HMCN1: variants seen among roughly 807,000 people sequenced by gnomAD.
The protein encoded by HMCN1 is hemicentin-1.
Under a neutral mutation model 625.9 loss-of-function variants are expected in HMCN1, and 321 were observed. The ratio of observed to expected loss-of-function variants is 0.51; its 90% CI spans 0.47 to 0.56. The LOEUF is 0.56. Among genes scored for constraint, HMCN1 ranks in the 20% least tolerant of loss-of-function variants. The pLI, the probability that HMCN1 is intolerant of heterozygous loss-of-function variation, is 0.00. For synonymous variants in HMCN1, 2,425 were observed against 2,417.6 expected, an observed-to-expected ratio of 1.00 and a Z score of -0.09; for missense variants, 6,588 against 6,887.3, an observed-to-expected ratio of 0.96 and a Z score of 1.54.
Position 185,970,337 on chromosome 1 carries a change from G to A in HMCN1, c.2215G>A (p.Asp739Asn), listed in dbSNP as rs763894025. The A allele has an allele frequency of 1.2e-6, 2 of 1,613,072 alleles. No individual in the cohort carries two copies. The highest frequency in any genetic ancestry group is 1.1e-5 in the South Asian group (1 of 91,050). ...PPPQVKWFKG[D>N]LELRPSTFLI... is the part of the protein sequence containing the mutation. ...TTCTCCCCTTTGTTTTGACTTAGGAGATCTTGAGTTGAGGCCCTCAACATT... is the reference window on the plus strand; with the variant it reads ...TTCTCCCCTTTGTTTTGACTTAGGAAATCTTGAGTTGAGGCCCTCAACATT... The change falls in exon 15 of 107, where the codon GAT (aspartate) becomes AAT (asparagine). Residue 739 changes from aspartate to asparagine, a missense_variant and splice_region_variant. Transcript: ENST00000271588.
Position 186,136,690 on chromosome 1 carries a change from G to T in HMCN1, c.13335G>T (p.Glu4445Asp). 2 of 1,613,854 alleles carry T rather than the reference G, an allele frequency of 1.2e-6. No homozygotes were observed. Among genetic ancestry groups the T allele is most frequent in the Non-Finnish European group, 8.5e-7 (1 of 1,179,868 alleles). Residue 4445 changes from glutamate (E) to aspartate (D), a missense_variant, in exon 87 of 107, where the codon GAG becomes GAT. Transcript: ENST00000271588. ...TLQSPPIITL[E>D]PVETVINAGG... ...TAGGTCCTCCTATTATCACTCTTGA[G>T]CCAGTGGAAACTGTTATTAATGCTG...
chr1:185,805,958 T>A (rs182650228), intron 1 of HMCN1, among the ~76,000 whole-genome samples: 1 of 152,122 alleles, frequency 6.6e-6, no homozygotes, highest in Non-Finnish European at 1.5e-5. Context: ...CTAAAAAAGA[T>A]CCTATCATTT....
At chr1:185,943,541 A>G (rs1406202050) in intron 11 of HMCN1, among the ~76,000 whole-genome samples, 1 of 152,214 alleles carries the variant, frequency 6.6e-6, no homozygotes, top group Non-Finnish European at 1.5e-5. Context: ...ACTCAGGTAC[A>G]GTCAGATGGA....
rs1445537518 is a variant in HMCN1, at chr1:186,114,096, G to C, written c.11249G>C (p.Gly3750Ala). ...CCAAGGATAACATGGAGAAAGGATG[G>C]AGCTGTTCTAGCTGGGAATCATGCA... ...PTPRITWRKD[G>A]AVLAGNHARY... The change falls in exon 73 of 107, where the codon GGA (glycine) becomes GCA (alanine). Residue 3750 changes from glycine to alanine, a missense_variant. By Grantham distance (60) the Gly-to-Ala change is moderately conservative. This residue lies in a region of HMCN1 where 4,628 missense variants were observed against 4,853.1 expected (regional missense o/e 0.95). Coordinates refer to ENST00000271588, the MANE Select transcript of HMCN1 (RefSeq NM_031935.3). The C allele has an allele frequency of 3.7e-6, 6 of 1,614,086 alleles. No homozygotes were observed. The highest frequency in any genetic ancestry group is 3.4e-6 in the Non-Finnish European group (4 of 1,179,974).
chr1:186,068,176 G>A (rs1421219084), intron 50 of HMCN1, among the ~76,000 whole-genome samples, 169 bp downstream of exon 50: 2 of 152,088 alleles, frequency 1.3e-5, no homozygotes, highest in South Asian at 2.1e-4. Context: ...CCATGGCTCA[G>A]GGATTGGGAC....
At position 185,995,030 on chromosome 1, in the gene HMCN1, T is replaced by C. The variant is rs763459200; in HGVS notation, c.3721T>C (p.Cys1241Arg). The part of the protein sequence containing the change: ...ATPSDAGIYT[C>R]VATNIAGTDE... ...GCCCTCAGATGCTGGCATATATACA[T>C]GTGTTGCTACTAACATAGCAGGCAC... Residue 1241 changes from cysteine (C) to arginine (R), a missense_variant, in exon 24 of 107, where the codon TGT (cysteine) becomes CGT (arginine). Physicochemically the swap from Cys to Arg is radical, Grantham distance 180. This residue lies in a region of HMCN1 where 4,628 missense variants were observed against 4,853.1 expected (regional missense o/e 0.95). Coordinates refer to ENST00000271588, the MANE Select transcript of HMCN1 (RefSeq NM_031935.3). 6.2e-7 allele frequency: 1 copy of C among 1,613,774 alleles called. No individual in the cohort carries two copies. Among genetic ancestry groups the C allele is most frequent in the South Asian group, 1.1e-5 (1 of 91,074 alleles).
rs1388233552 is a variant in HMCN1 at position 186,187,984 on chromosome 1, A to G, written c.16516A>G (p.Asn5506Asp). The G allele has an allele frequency of 1.9e-6, 3 of 1,613,694 alleles. No individual in the cohort carries two copies. The highest frequency in any genetic ancestry group is 2.5e-6 in the Non-Finnish European group (3 of 1,179,788). Residue 5506 changes from asparagine (N) to aspartate (D), a missense_variant, in exon 106 of 107, where the codon AAC (asparagine) becomes GAC (aspartate). Asn to Asp is a conservative substitution (Grantham distance 23). Transcript: ENST00000271588. ...YQCIDTPCPP[N>D]YQRDPVSGFC... ...GTGCATCGATACACCCTGTCCACCCAACTACCAACGGGATCCTGTTTCAGG... is the reference window on the plus strand; with the variant it reads ...GTGCATCGATACACCCTGTCCACCCGACTACCAACGGGATCCTGTTTCAGG...
At position 186,081,357 on chromosome 1, in the gene HMCN1, A is replaced by T; in HGVS notation, c.8750A>T (p.Asp2917Val). ...QKDGQPLLED[D>V]HHKFLSNGRI... The stretch of plus-strand genomic sequence containing the variant: ...GATGGACAGCCCTTGCTAGAAGATG[A>T]CCATCATAAATTTCTATCTAATGGA... The change falls in exon 56 of 107, where the codon GAC becomes GTC. Residue 2917 changes from aspartate to valine, a missense_variant. Physicochemically the swap from Asp to Val is radical, Grantham distance 152. Around this residue, in one of 3 missense-constraint regions of HMCN1, gnomAD observed 4,628 missense variants for 4,853.1 expected, o/e 0.95. Coordinates refer to ENST00000271588, the MANE Select transcript of HMCN1 (RefSeq NM_031935.3). The T allele has an allele frequency of 6.2e-7, 1 of 1,613,636 alleles. No homozygotes were observed.
intron 81 of HMCN1, among the ~76,000 whole-genome samples, chr1:186,123,748 T>C (rs1172656002): frequency 2.6e-5 from 4 of 152,180 alleles, no homozygotes; most frequent in African/African-American, 9.7e-5. Flanking sequence ...TTTTAGTTTT[T>C]ATTATATATT....
intron 1 of HMCN1, among the ~76,000 whole-genome samples, chr1:185,807,647 A>G (rs935234353): frequency 6.6e-6 from 1 of 152,190 alleles, no homozygotes; most frequent in African/African-American, 2.4e-5. Flanking sequence ...ACTCCTTTAA[A>G]GTAAGCCTTC....
rs1179623352 is a variant in HMCN1, at chr1:186,115,122, T to C, written c.11405-136T>C. 5.8e-6 allele frequency: 8 copies of C among 1,370,880 alleles called. No individual in the cohort carries two copies. The Admixed American group carries it at 1.3e-4, about 23-fold the overall frequency. 84.9% of individuals were successfully genotyped at this position (1,370,880 alleles called of 1,614,324 possible). ...TATAGTTAATATCATCACAGCACTA[T>C]TAAAATTTGCAGAGTCTTGTTTGCT... is the stretch of plus-strand genomic sequence containing the variant. On this transcript the variant is annotated intron_variant, in intron 74 of 106. Coordinates refer to ENST00000271588, the MANE Select transcript of HMCN1 (RefSeq NM_031935.3).
intron 7 of HMCN1, among the ~76,000 whole-genome samples, 167 bp downstream of exon 7, chr1:185,922,666 A>G (rs143820243): frequency 6.6e-6 from 1 of 152,306 alleles, no homozygotes; most frequent in African/African-American, 2.4e-5. Context: ...GTGTAATCCC[A>G]AGACCACTGA....
At chr1:186,104,671 G>C (rs1370919622) in intron 69 of HMCN1, among the ~76,000 whole-genome samples, 1 of 152,176 alleles carries the variant, frequency 6.6e-6, no homozygotes, top group Non-Finnish European at 1.5e-5. Flanking sequence ...TATCTGCCAA[G>C]TACTCATTGC....
intron 15 of HMCN1, 35 bp downstream of exon 15, chr1:185,970,528 G>T (rs370429873): frequency 2.6e-6 from 4 of 1,548,440 alleles, no homozygotes; most frequent in African/African-American, 2.7e-5. Flanking sequence ...AATTTGTTTA[G>T]AAATTGATAT....
At chr1:185,767,303 G>T (rs1376022916) in intron 1 of HMCN1, among the ~76,000 whole-genome samples, 1 of 152,096 alleles carries the variant, frequency 6.6e-6, no homozygotes, top group African/African-American at 2.4e-5. Flanking sequence ...CAATAATTGA[G>T]CAAAGGCATG....
chr1:186,055,724 G>A, intron 45 of HMCN1, 50 bp downstream of exon 45: 5 of 1,564,784 alleles, frequency 3.2e-6, no homozygotes, highest in Middle Eastern at 1.7e-4. Context: ...ACGTAATCTA[G>A]CATCCTGGAT....
At chr1:186,189,459 C>A (rs1011748707) in intron 106 of HMCN1, 53 bp from the exon 107 acceptor site, 3 of 1,600,752 alleles carry the variant, frequency 1.9e-6, no homozygotes, top group Non-Finnish European at 2.6e-6. Context: ...CTATATCATG[C>A]CTCCTCCTAC....
intron 6 of HMCN1, 44 bp downstream of exon 6, chr1:185,911,824 T>G (rs765193136): frequency 4.2e-6 from 6 of 1,427,330 alleles, no homozygotes; most frequent in Admixed American, 3.4e-5. Context: ...TATTTTGAAG[T>G]TGGCATTTTT....
In HMCN1 at chr1:185,819,485, T is replaced by C. The variant is rs547702734; in HGVS notation, c.269-26541T>C. On this transcript the variant is annotated intron_variant, in intron 1 of 106. Coordinates refer to ENST00000271588, the MANE Select transcript of HMCN1 (RefSeq NM_031935.3). ...TCATTGTCCATGAGTTCTCTGATATTACCTAAATCTGTGTCCTTCTCTATG... is the reference window on the plus strand; with the variant it reads ...TCATTGTCCATGAGTTCTCTGATATCACCTAAATCTGTGTCCTTCTCTATG... 3.3e-5 allele frequency among the ~76,000 whole-genome samples: 5 copies of C among 152,312 alleles called. No individual in the cohort carries two copies. The East Asian group carries it at 9.6e-4, about 29-fold the overall frequency.
Sources: gnomAD v4.1 joint callset for allele counts (sites outside exome capture counted in the v4.1 genomes callset) on GRCh38, gnomAD v4.1.1 for gene constraint, gnomAD v4.1.1 regional missense constraint, MANE v1.5 for transcripts, NCBI Gene and HGNC (gene_info 2026-07-23, HGNC 2026-07-21) for gene names.